FGF14: variants seen among roughly 807,000 people sequenced by gnomAD.
FGF14 encodes the protein fibroblast growth factor 14.
Under a neutral mutation model 25.5 loss-of-function variants are expected in FGF14, and 5 were observed. The observed-to-expected ratio is 0.20, with a 90% confidence interval of 0.10 to 0.41. The LOEUF is 0.41. Among genes scored for constraint, FGF14 ranks in the 10% least tolerant of loss-of-function variants. The probability of loss-of-function intolerance (pLI) is 1.00; values close to 1 mark genes in which losing one functional copy is unlikely to be tolerated. For missense variants in FGF14, 222 were observed against 320.1 expected (o/e 0.69, Z 2.34); for synonymous variants, 138 against 118.3 (o/e 1.17, Z -1.08).
chr13:102,220,598 CAAAA>C (rs1334155867), intron 1 of FGF14, among the ~76,000 whole-genome samples: 1 of 152,164 alleles, frequency 6.6e-6, no homozygotes, highest in Non-Finnish European at 1.5e-5. Flanking sequence ...GTCTAATGCA[CAAAA>C]GTAAAATATT....
chr13:102,135,982 G>C (rs1353940521), intron 1 of FGF14, among the ~76,000 whole-genome samples: 1 of 152,070 alleles, frequency 6.6e-6, no homozygotes, highest in Non-Finnish European at 1.5e-5. Flanking sequence ...TAAGAATTTT[G>C]CTCTAAATCT....
chr13:102,256,195 C>T (rs2052428447), intron 1 of FGF14, among the ~76,000 whole-genome samples: 1 of 152,060 alleles, frequency 6.6e-6, no homozygotes, highest in Non-Finnish European at 1.5e-5. Flanking sequence ...AGGTCACATA[C>T]ATTCTATGAA....
At chr13:102,161,055 TAAAC>T (rs560083589) in intron 1 of FGF14, among the ~76,000 whole-genome samples, 122 of 151,936 alleles carry the variant, frequency 8.0e-4, no homozygotes, top group Admixed American at 2.2e-3. Context: ...GAGAGGAAAA[TAAAC>T]AAAGTATTCC....
intron 1 of FGF14, among the ~76,000 whole-genome samples, chr13:102,197,195 C>A (rs1182292672): frequency 8.5e-6 from 1 of 117,874 alleles, no homozygotes; most frequent in Admixed American, 9.8e-5. Context: ...GTACTCTCTC[C>A]AAGCCAATGA....
At chr13:101,827,588 T>C (rs1012938408) in intron 3 of FGF14, among the ~76,000 whole-genome samples, 1 of 151,896 alleles carries the variant, frequency 6.6e-6, no homozygotes, top group East Asian at 1.9e-4. Flanking sequence ...TGAAAGTATG[T>C]GCTAAAATTC....
chr13:101,840,475 T>G (rs546107645), intron 3 of FGF14, among the ~76,000 whole-genome samples: 4 of 151,254 alleles, frequency 2.6e-5, no homozygotes, highest in African/African-American at 9.6e-5. Context: ...ACTAATATAA[T>G]TATTAATATA....
chr13:102,377,087 C>T lies in FGF14; in HGVS notation c.208+24384G>A, dbSNP rs1322767441. 2.1e-5 allele frequency among the ~76,000 whole-genome samples: 3 copies of T among 146,214 alleles called. No homozygotes were observed. In the South Asian group the frequency reaches 6.6e-4, roughly 32 times the overall value. On this transcript the variant is annotated intron_variant, in intron 1 of 4. Transcript: ENST00000376131. ...GCTAGTCTTCAAATATCTAGGTCAC[C>T]TTTTTTTTTTTTCCTAAGAAAAAGA... is the stretch of plus-strand genomic sequence containing the variant.
chr13:102,237,354 G>T (rs1266996448), intron 1 of FGF14, among the ~76,000 whole-genome samples: 4 of 152,148 alleles, frequency 2.6e-5, no homozygotes, highest in Admixed American at 2.6e-4. Context: ...ATTGAGCCGG[G>T]TATGTCTTTC....
chr13:101,885,551 A>C (rs1393891561), intron 1 of FGF14, among the ~76,000 whole-genome samples: 1 of 152,190 alleles, frequency 6.6e-6, no homozygotes, highest in East Asian at 1.9e-4. Flanking sequence ...ACATTTTGGC[A>C]CACTCCTTTC....
At chr13:102,160,695 T>A (rs2047583632) in intron 1 of FGF14, among the ~76,000 whole-genome samples, 1 of 152,024 alleles carries the variant, frequency 6.6e-6, no homozygotes, top group African/African-American at 2.4e-5. Context: ...AATGCTAGAA[T>A]ATCCTCAAGA....
At chr13:102,099,646 G>C (rs1338163331) in intron 1 of FGF14, among the ~76,000 whole-genome samples, 1 of 151,662 alleles carries the variant, frequency 6.6e-6, no homozygotes, top group Admixed American at 6.6e-5. Context: ...ACTTGCCCTG[G>C]CTCCAAAGCC....
intron 3 of FGF14, among the ~76,000 whole-genome samples, chr13:101,820,556 C>T (rs1486020494): frequency 2.6e-5 from 3 of 117,254 alleles, no homozygotes; most frequent in African/African-American, 8.2e-5. Context: ...TATCATGTTT[C>T]TCATATAAAA....
In FGF14 at chr13:101,712,842, T is replaced by A. The variant is rs760886678; in HGVS notation, c.*9989A>T. 2 of 152,116 alleles carry A rather than the reference T, an allele frequency of 1.3e-5. No homozygotes were observed. The highest frequency in any genetic ancestry group is 6.5e-5 in the Admixed American group (1 of 15,284). The allele number at this position is 152,116 out of a possible 1,614,324, so 9.4% of individuals were successfully genotyped here. On this transcript the variant is annotated 3_prime_UTR_variant, in exon 5 of 5. Transcript: ENST00000376143. Reference sequence around the variant, plus strand: ...AAAGAAATCTCTAAAATCAGGAAATTCCTCACCTTGATGAGACCACAAGGG... The same window carrying A: ...AAAGAAATCTCTAAAATCAGGAAATACCTCACCTTGATGAGACCACAAGGG...
chr13:101,737,951 C>T (rs1032865412), intron 3 of FGF14, among the ~76,000 whole-genome samples: 10 of 152,088 alleles, frequency 6.6e-5, no homozygotes, highest in African/African-American at 1.9e-4. Flanking sequence ...CCTGTTTAGC[C>T]AACCTTTAAA....
intron 1 of FGF14, among the ~76,000 whole-genome samples, chr13:101,924,490 T>TA (rs1287536681): frequency 1.3e-5 from 2 of 152,216 alleles, no homozygotes; most frequent in African/African-American, 4.8e-5. Flanking sequence ...TGCCTCCTAG[T>TA]AACCTGTTTT....
intron 1 of FGF14, among the ~76,000 whole-genome samples, chr13:102,295,455 G>A (rs924213502): frequency 6.6e-6 from 1 of 152,004 alleles, no homozygotes; most frequent in Admixed American, 6.6e-5. Context: ...TGACTTGTAC[G>A]GTACTGTGTG....
intron 1 of FGF14, among the ~76,000 whole-genome samples, chr13:102,054,610 T>C (rs1373034093): frequency 6.6e-6 from 1 of 152,168 alleles, no homozygotes; most frequent in Non-Finnish European, 1.5e-5. Flanking sequence ...CTCAGACTCT[T>C]TGTGGCATCA....
chr13:102,087,009 GC>G (rs1762108154), intron 1 of FGF14, among the ~76,000 whole-genome samples: 1 of 152,190 alleles, frequency 6.6e-6, no homozygotes, highest in Admixed American at 6.5e-5. Flanking sequence ...TCCTCTATGA[GC>G]CTGGCTTGTA....
At position 102,015,198 on chromosome 13, in the gene FGF14, G is replaced by A. The variant is rs191435615; in HGVS notation, c.209-139902C>T. Reference sequence around the variant, plus strand: ...GCTGAGATTACAGGCGTGAGCCACCGTGCTCAGCCTGCTAAAATTTATGAG... The same window carrying A: ...GCTGAGATTACAGGCGTGAGCCACCATGCTCAGCCTGCTAAAATTTATGAG... On this transcript the variant is annotated intron_variant, in intron 1 of 4. Coordinates refer to the FGF14 transcript ENST00000376131. Among the ~76,000 whole-genome samples, 14 of 152,270 alleles carry A rather than the reference G, an allele frequency of 9.2e-5. No individual in the cohort carries two copies. The East Asian group carries it at 9.7e-4, about 11-fold the overall frequency.
Sources: gnomAD v4.1 joint callset for allele counts (sites outside exome capture counted in the v4.1 genomes callset) on GRCh38, gnomAD v4.1.1 for gene constraint, MANE v1.5 for transcripts, NCBI Gene and HGNC (gene_info 2026-07-23, HGNC 2026-07-21) for gene names.